Variants in PALLD observed in about 807,000 individuals in gnomAD.
The protein encoded by PALLD is palladin.
Under a neutral mutation model 123.5 loss-of-function variants are expected in PALLD, and 61 were observed. The observed-to-expected ratio is 0.49, with a 90% confidence interval of 0.40 to 0.61. PALLD has a LOEUF of 0.61. PALLD is among the 20% of genes least tolerant of loss of function. The probability of loss-of-function intolerance (pLI) is 0.00; values close to 1 mark genes in which losing one functional copy is unlikely to be tolerated. For missense variants in PALLD, 1,273 were observed against 1,377.0 expected, an observed-to-expected ratio of 0.92 and a Z score of 1.20; for synonymous variants, 465 against 496.4, an observed-to-expected ratio of 0.94 and a Z score of 0.84.
At chr4:168,713,413 G>A (rs1225879096) in intron 10 of PALLD, among the ~76,000 whole-genome samples, 1 of 152,206 alleles carries the variant, frequency 6.6e-6, no homozygotes, top group African/African-American at 2.4e-5. Context: ...TGCTCTCCAG[G>A]GAGAGAAAGG....
At chr4:168,629,577 G>C (rs191128880) in intron 2 of PALLD, among the ~76,000 whole-genome samples, 1 of 152,204 alleles carries the variant, frequency 6.6e-6, no homozygotes, top group Admixed American at 6.5e-5. Flanking sequence ...TTGTAATTCA[G>C]TAGTTCTGAG....
intron 2 of PALLD, among the ~76,000 whole-genome samples, chr4:168,622,023 A>G (rs1357173059): frequency 6.6e-6 from 1 of 152,204 alleles, no homozygotes; most frequent in Non-Finnish European, 1.5e-5. Context: ...TGGTGCTGCT[A>G]ACAAGGAAAG....
chr4:168,681,443 C>T, intron 4 of PALLD, 45 bp downstream of exon 4: 2 of 1,229,518 alleles, frequency 1.6e-6, no homozygotes, highest in Non-Finnish European at 2.4e-6. Context: ...CAAAGAATGG[C>T]AACAGAATGG....
intron 2 of PALLD, among the ~76,000 whole-genome samples, chr4:168,591,775 A>C (rs1771458646): frequency 6.6e-6 from 1 of 152,178 alleles, no homozygotes; most frequent in South Asian, 2.1e-4. Flanking sequence ...CTTTCCTAAA[A>C]GAATAATTTA....
At chr4:168,900,623 T>C (rs933500118) in intron 14 of PALLD, among the ~76,000 whole-genome samples, 4 of 152,216 alleles carry the variant, frequency 2.6e-5, no homozygotes, top group African/African-American at 9.6e-5. Context: ...TACCATCATG[T>C]TCTTTTCTTA....
intron 17 of PALLD, among the ~76,000 whole-genome samples, chr4:168,919,709 T>G (rs573175822): frequency 6.6e-6 from 1 of 152,134 alleles, no homozygotes; most frequent in South Asian, 2.1e-4. Context: ...TCCTAGACAC[T>G]GATTATCCTT....
chr4:168,903,692 T>G, intron 14 of PALLD, 65 bp from the exon 15 acceptor site: 1 of 1,332,980 alleles, frequency 7.5e-7, no homozygotes. Context: ...GTTACTATTT[T>G]CAGTTCTCCA....
intron 2 of PALLD, among the ~76,000 whole-genome samples, chr4:168,649,047 T>C (rs1392858888): frequency 6.6e-6 from 1 of 152,248 alleles, no homozygotes; most frequent in Non-Finnish European, 1.5e-5. Context: ...AGTCACTTCA[T>C]GGATAAAAAG....
chr4:168,731,813 A>T (rs1787199296), intron 10 of PALLD, among the ~76,000 whole-genome samples: 1 of 152,170 alleles, frequency 6.6e-6, no homozygotes, highest in South Asian at 2.1e-4. Context: ...GCATATATGA[A>T]CTCTAGTAAG....
chr4:168,873,771 A>G (rs777926412), intron 10 of PALLD, among the ~76,000 whole-genome samples: 7 of 152,144 alleles, frequency 4.6e-5, no homozygotes, highest in Non-Finnish European at 8.8e-5. Flanking sequence ...TGACCTCACT[A>G]ACTGATGGTG....
intron 2 of PALLD, among the ~76,000 whole-genome samples, chr4:168,572,090 T>G (rs1332204817): frequency 6.6e-6 from 1 of 152,100 alleles, no homozygotes; most frequent in African/African-American, 2.4e-5. Context: ...AAGAAAGGCC[T>G]TGCTTAGTAA....
intron 2 of PALLD, chr4:168,536,484 T>C (rs1000730484): frequency 2.0e-5 from 3 of 152,170 alleles, no homozygotes; most frequent in Non-Finnish European, 4.4e-5. Flanking sequence ...GATTAGGTAA[T>C]TTATAAAGGA....
chr4:168,568,375 A>G (rs1246013105), intron 2 of PALLD, among the ~76,000 whole-genome samples: 1 of 152,078 alleles, frequency 6.6e-6, no homozygotes, highest in Non-Finnish European at 1.5e-5. Context: ...GGCATATTGA[A>G]TATTCTTGTT....
intron 5 of PALLD, among the ~76,000 whole-genome samples, chr4:168,685,066 T>A (rs1463219126): frequency 6.6e-6 from 1 of 152,206 alleles, no homozygotes; most frequent in South Asian, 2.1e-4. Context: ...TTAAATAAGA[T>A]AGGTAGATGT....
intron 17 of PALLD, among the ~76,000 whole-genome samples, chr4:168,920,280 C>T (rs1761181348): frequency 6.6e-6 from 1 of 152,310 alleles, no homozygotes; most frequent in East Asian, 1.9e-4. Flanking sequence ...TTTCCAAAAC[C>T]TCTTCATCCT....
chr4:168,584,154 A>G (rs1279752218), intron 2 of PALLD, among the ~76,000 whole-genome samples: 1 of 151,692 alleles, frequency 6.6e-6, no homozygotes, highest in Non-Finnish European at 1.5e-5. Context: ...ATTGGAAATC[A>G]TTATGTATAG....
chr4:168,592,118 G>A (rs1445439961), intron 2 of PALLD, among the ~76,000 whole-genome samples: 1 of 151,048 alleles, frequency 6.6e-6, no homozygotes, highest in Non-Finnish European at 1.5e-5. Context: ...CGAGGTTCAA[G>A]CGATTCTCCT....
intron 2 of PALLD, among the ~76,000 whole-genome samples, chr4:168,592,855 G>C (rs768348809): frequency 1.3e-5 from 2 of 152,108 alleles, no homozygotes; most frequent in Non-Finnish European, 1.5e-5. Flanking sequence ...AGCCCTACAG[G>C]ACCAAACTTG....
intron 10 of PALLD, among the ~76,000 whole-genome samples, chr4:168,718,635 G>A (rs1320984709): frequency 6.6e-6 from 1 of 152,154 alleles, no homozygotes; most frequent in South Asian, 2.1e-4. Flanking sequence ...CTCGGACTCA[G>A]TAACCAGTTG....
Sources: allele counts gnomAD v4.1 joint callset (sites outside exome capture counted in the v4.1 genomes callset), GRCh38; gene constraint gnomAD v4.1.1; transcripts MANE v1.5; gene names NCBI Gene and HGNC (gene_info 2026-07-23, HGNC 2026-07-21).